The following PARD3B variants were observed in gnomAD, a reference collection of about 807,000 sequenced individuals.
PARD3B encodes the protein partitioning defective 3 homolog B.
A neutral mutation model predicts 130.2 loss-of-function variants in PARD3B; 103 were observed. The ratio of observed to expected loss-of-function variants is 0.79; its 90% confidence interval spans 0.67 to 0.93. The LOEUF (loss-of-function observed/expected upper bound fraction) is 0.93, where lower values mean the gene tolerates loss of function less well. PARD3B is among the 40% of genes least tolerant of loss of function. PARD3B has a pLI of 0.00. For synonymous variants in PARD3B, 583 were observed against 553.2 expected (o/e 1.05, Z -0.76); for missense variants, 1,609 against 1,499.2 (o/e 1.07, Z -1.21).
chr2:204,991,086 ATTATAC>A (rs989410023), intron 3 of PARD3B, among the ~76,000 whole-genome samples: 15 of 142,674 alleles, frequency 1.1e-4, no homozygotes, highest in African/African-American at 3.5e-4. Context: ...TTTTTTTTTT[ATTATAC>A]TTATATAAGT....
chr2:205,565,700 A>T (rs1454098358), intron 22 of PARD3B, among the ~76,000 whole-genome samples: 1 of 152,178 alleles, frequency 6.6e-6, no homozygotes, highest in Non-Finnish European at 1.5e-5. Flanking sequence ...GCCTGAACAG[A>T]TGAGCTAGGA....
chr2:205,480,596 T>C (rs1466950795), intron 20 of PARD3B, among the ~76,000 whole-genome samples: 2 of 152,156 alleles, frequency 1.3e-5, no homozygotes. Context: ...GGGTGCTCAA[T>C]AAATATTTGC....
chr2:205,275,883 T>C (rs1329661647), intron 16 of PARD3B, among the ~76,000 whole-genome samples: 1 of 143,956 alleles, frequency 6.9e-6, no homozygotes, highest in Non-Finnish European at 1.5e-5. Context: ...GATGTCCTAA[T>C]GAGAGAAAAG....
At chr2:205,072,112 T>A (rs1575703127) in intron 4 of PARD3B, among the ~76,000 whole-genome samples, 1 of 152,294 alleles carries the variant, frequency 6.6e-6, no homozygotes, top group East Asian at 1.9e-4. Flanking sequence ...AGATATAGTT[T>A]GACGATGGTA....
rs1244892036 is a variant in PARD3B, at chr2:205,520,886, CATTATTGGACGTTT to C, written c.3180+20857_3180+20870del. 2.0e-5 allele frequency among the ~76,000 whole-genome samples: 3 copies of C among 151,652 alleles called. No homozygotes were observed. The East Asian group carries it at 5.8e-4, about 29-fold the overall frequency. ...TTAAGTAATTGGTTAATCACTTTAC[CATTATTGGACGTTT>C]AAGTTGTATTCATTGTTTCTTATCA... On this transcript the variant is annotated intron_variant, in intron 21 of 22. Coordinates refer to ENST00000406610, the MANE Select transcript of PARD3B (RefSeq NM_001302769.2).
chr2:204,933,975 C>A (rs1397883863), intron 2 of PARD3B, among the ~76,000 whole-genome samples: 1 of 152,140 alleles, frequency 6.6e-6, no homozygotes, highest in South Asian at 2.1e-4. Flanking sequence ...TCTCTTGTGA[C>A]CTCAAAGCAC....
intron 3 of PARD3B, among the ~76,000 whole-genome samples, chr2:204,982,023 T>G (rs565137687): frequency 1.8e-4 from 27 of 152,296 alleles, no homozygotes; most frequent in African/African-American, 6.3e-4. Flanking sequence ...CTTGGAGTTA[T>G]GTAACCACCA....
intron 16 of PARD3B, among the ~76,000 whole-genome samples, chr2:205,273,477 C>T (rs914299815): frequency 6.6e-6 from 1 of 152,162 alleles, no homozygotes; most frequent in Non-Finnish European, 1.5e-5. Context: ...CCTCTAATGA[C>T]CAGCTCTTCC....
At chr2:204,556,322 T>G in intron 1 of PARD3B, among the ~76,000 whole-genome samples, 1 of 152,166 alleles carries the variant, frequency 6.6e-6, no homozygotes, top group Non-Finnish European at 1.5e-5. Context: ...TTCACTCACA[T>G]GTCTAGTGCC....
intron 10 of PARD3B, among the ~76,000 whole-genome samples, chr2:205,135,883 C>T (rs12466813): frequency 0.23 from 34,857 of 151,958 alleles, 4,316 homozygotes; most frequent in East Asian, 0.4. Context: ...TCAATTCTTG[C>T]TGCTGCCTAA....
At chr2:205,119,083 T>C (rs752492466) in intron 7 of PARD3B, 37 bp downstream of exon 7, 18 of 1,575,630 alleles carry the variant, frequency 1.1e-5, no homozygotes, top group Non-Finnish European at 1.5e-5. Context: ...ACTTTCTTGA[T>C]CCCTAGCATG....
intron 14 of PARD3B, among the ~76,000 whole-genome samples, chr2:205,190,521 T>C (rs2036338049): frequency 3.9e-5 from 6 of 152,192 alleles, no homozygotes; most frequent in Admixed American, 3.9e-4. Flanking sequence ...AAAGGCTTGA[T>C]TTTTGCGGAT....
chr2:204,805,009 A>G (rs1218779743), intron 2 of PARD3B, among the ~76,000 whole-genome samples: 1 of 152,118 alleles, frequency 6.6e-6, no homozygotes, highest in East Asian at 1.9e-4. Flanking sequence ...CTTCAAATAA[A>G]CAACTTAATA....
chr2:205,116,123 G>C lies in PARD3B; in HGVS notation c.680+2546G>C, dbSNP rs1298253841. ...GTATTGAGGGCCATTGGCTTTCCCAGTAAAAACAAAGCAAACATAAAAAAA... is the reference window on the plus strand; with the variant it reads ...GTATTGAGGGCCATTGGCTTTCCCACTAAAAACAAAGCAAACATAAAAAAA... On this transcript the variant is annotated intron_variant, in intron 6 of 22. Transcript: ENST00000406610. This position sits in a 1 kb window ranked among gnomAD's most constrained non-coding sequence, Gnocchi z 4.5. Among the ~76,000 whole-genome samples the C allele has an allele frequency of 6.6e-6, 1 of 151,892 alleles. No homozygotes were observed. The highest frequency in any genetic ancestry group is 1.5e-5 in the Non-Finnish European group (1 of 67,968).
Position 204,998,460 on chromosome 2 carries a change from T to A in PARD3B, c.394+33137T>A, listed in dbSNP as rs62173521. On this transcript the variant is annotated intron_variant, in intron 3 of 22. Coordinates refer to ENST00000406610, the MANE Select transcript of PARD3B (RefSeq NM_001302769.2). ...TGTGTGTGTATATATATGTGTATATTATATATGTATATATATGTGTATATA... is the reference window on the plus strand; with the variant it reads ...TGTGTGTGTATATATATGTGTATATAATATATGTATATATATGTGTATATA... Among the ~76,000 whole-genome samples, 271 of 78,132 alleles carry A rather than the reference T, an allele frequency of 3.5e-3. 3 individuals are homozygous for A. The highest frequency in any genetic ancestry group is 0.011 in the East Asian group (37 of 3,420). 51.3% of individuals were successfully genotyped at this position (78,132 alleles called of 152,430 possible). A position where few individuals can be genotyped will look rare whatever the true frequency, so the allele number is the denominator to read the frequency against.
In PARD3B at chr2:204,549,949, G is replaced by A. The variant is rs560901573; in HGVS notation, c.120+3830G>A. 2.0e-5 allele frequency among the ~76,000 whole-genome samples: 3 copies of A among 151,660 alleles called. No individual in the cohort carries two copies. The South Asian group carries it at 6.2e-4, about 32-fold the overall frequency. ...ATTAAAAAAAAACAAACAAATAAAAGCATGGAATTTGTTAGAGTATTTATT... is the reference window on the plus strand; with the variant it reads ...ATTAAAAAAAAACAAACAAATAAAAACATGGAATTTGTTAGAGTATTTATT... On this transcript the variant is annotated intron_variant, in intron 1 of 22. Coordinates refer to ENST00000406610, the MANE Select transcript of PARD3B (RefSeq NM_001302769.2).
chr2:204,951,198 T>C (rs970589119), intron 2 of PARD3B, among the ~76,000 whole-genome samples: 2 of 152,170 alleles, frequency 1.3e-5, no homozygotes, highest in Non-Finnish European at 2.9e-5. Flanking sequence ...CATCTTGAAG[T>C]CCTTAACATT....
intron 2 of PARD3B, among the ~76,000 whole-genome samples, chr2:204,932,701 G>A (rs1318065891): frequency 3.3e-5 from 5 of 152,158 alleles, no homozygotes; most frequent in African/African-American, 1.2e-4. Context: ...CAGTAGTATT[G>A]TGTAATGTTT....
chr2:205,517,616 T>TGCTAGCTTTGGGGTTGATTC (rs1430867524), intron 21 of PARD3B, among the ~76,000 whole-genome samples: 1 of 152,220 alleles, frequency 6.6e-6, no homozygotes, highest in African/African-American at 2.4e-5. Context: ...TCTTATCTTC[T>TGCTAGCTTTGGGGTTGATTC]GCTAGCTTTG....
Sources: allele counts gnomAD v4.1 joint callset (sites outside exome capture counted in the v4.1 genomes callset), GRCh38; gene constraint gnomAD v4.1.1; non-coding constraint Gnocchi (gnomAD v3.1); transcripts MANE v1.5; gene names NCBI Gene and HGNC (gene_info 2026-07-23, HGNC 2026-07-21).